The following KCNQ3 variants were observed in gnomAD, a reference collection of about 807,000 sequenced individuals.
The protein encoded by KCNQ3 is potassium voltage-gated channel subfamily KQT member 3.
In KCNQ3, 30 loss-of-function variants were observed where a neutral mutation model predicts 92.5. That is an observed-to-expected ratio of 0.32 (90% CI 0.24 to 0.44). KCNQ3 has a LOEUF of 0.44. Among genes scored for constraint, KCNQ3 ranks in the 20% least tolerant of loss-of-function variants. The probability of loss-of-function intolerance (pLI) is 1.00; values close to 1 mark genes in which losing one functional copy is unlikely to be tolerated. For missense variants in KCNQ3, 913 were observed against 1,140.3 expected (o/e 0.80, Z 2.87); for synonymous variants, 450 against 468.8 (o/e 0.96, Z 0.52).
chr8:132,280,533 C>T (rs572162449), intron 1 of KCNQ3, among the ~76,000 whole-genome samples: 20 of 152,270 alleles, frequency 1.3e-4, no homozygotes, highest in Admixed American at 9.2e-4. Context: ...CAAGCCATGA[C>T]GGATCTGCCT....
chr8:132,153,335 G>T (rs4736554), intron 9 of KCNQ3, among the ~76,000 whole-genome samples: 3 of 151,948 alleles, frequency 2.0e-5, no homozygotes, highest in East Asian at 3.9e-4. Context: ...CCTTTTCTCT[G>T]CCTGTATGTG....
intron 3 of KCNQ3, among the ~76,000 whole-genome samples, chr8:132,181,721 A>G (rs1341897128): frequency 6.6e-6 from 1 of 152,114 alleles, no homozygotes; most frequent in Non-Finnish European, 1.5e-5. Context: ...CTCAGCTTGG[A>G]ATAACCTCCT....
chr8:132,452,208 C>G (rs573164505), intron 1 of KCNQ3, among the ~76,000 whole-genome samples: 1 of 152,192 alleles, frequency 6.6e-6, no homozygotes, highest in African/African-American at 2.4e-5. Flanking sequence ...TTCATCCCCC[C>G]AAAATGAAAC....
At chr8:132,410,198 G>A (rs932433367) in intron 1 of KCNQ3, among the ~76,000 whole-genome samples, 2 of 152,244 alleles carry the variant, frequency 1.3e-5, no homozygotes, top group African/African-American at 4.8e-5. Context: ...ACTATAATGA[G>A]CCTTATTTTA....
At chr8:132,289,044 G>A (rs533474662) in intron 1 of KCNQ3, among the ~76,000 whole-genome samples, 1 of 152,290 alleles carries the variant, frequency 6.6e-6, no homozygotes, top group East Asian at 1.9e-4. Context: ...GGATTTCAAA[G>A]TGATTCTGGA....
Position 132,129,238 on chromosome 8 carries a change from G to A in KCNQ3, c.*24C>T. 6.2e-7 allele frequency: 1 copy of A among 1,605,140 alleles called. No individual in the cohort carries two copies. The highest frequency in any genetic ancestry group is 8.5e-7 in the Non-Finnish European group (1 of 1,179,536). ...TATACAAAGTCTGTCTACATTACAA[G>A]GAGGGGTCAGCCAGTGACCTCTTTT... On this transcript the variant is annotated 3_prime_UTR_variant, in exon 15 of 15. Transcript: ENST00000388996. The surrounding 1 kb of genome is among the most constrained non-coding windows in gnomAD (Gnocchi z 5.9).
At chr8:132,392,705 G>A (rs1427384759) in intron 1 of KCNQ3, among the ~76,000 whole-genome samples, 3 of 149,822 alleles carry the variant, frequency 2.0e-5, no homozygotes, top group African/African-American at 7.4e-5. Context: ...GGAGGCTGAG[G>A]CGGGAGGATC....
In KCNQ3 at chr8:132,123,024, A is replaced by G. The variant is rs10108362; in HGVS notation, c.*6238T>C. The G allele has an allele frequency of 0.26, 39,264 of 152,106 alleles. 5,318 individuals are homozygous for G. Among genetic ancestry groups the G allele is most frequent in the Middle Eastern group, 0.41 (122 of 294 alleles). 9.4% of individuals were successfully genotyped at this position (152,106 alleles called of 1,614,324 possible). A position where few individuals can be genotyped will look rare whatever the true frequency, so the allele number is the denominator to read the frequency against. On this transcript the variant is annotated 3_prime_UTR_variant, in exon 15 of 15. Coordinates refer to ENST00000388996, the MANE Select transcript of KCNQ3 (RefSeq NM_004519.4). ...GGCAAGAGGACCCAAGCTGTGTTCA[A>G]ATGAGACCCAGAGATCCCAGTGCAA...
chr8:132,282,593 C>A (rs1272174816), intron 1 of KCNQ3, among the ~76,000 whole-genome samples: 1 of 152,174 alleles, frequency 6.6e-6, no homozygotes, highest in Non-Finnish European at 1.5e-5. Context: ...TTCCCTCCTG[C>A]TCCTCCGTGA....
intron 1 of KCNQ3, among the ~76,000 whole-genome samples, chr8:132,452,160 G>A (rs920401742): frequency 7.9e-5 from 12 of 152,006 alleles, no homozygotes; most frequent in African/African-American, 2.4e-4. Flanking sequence ...CATTCGCATC[G>A]TTGTGCAACC....
intron 1 of KCNQ3, among the ~76,000 whole-genome samples, chr8:132,384,691 G>T (rs949883459): frequency 6.6e-6 from 1 of 152,162 alleles, no homozygotes; most frequent in African/African-American, 2.4e-5. Context: ...AAAAGTAACT[G>T]CCAGGAAAAG....
intron 1 of KCNQ3, among the ~76,000 whole-genome samples, chr8:132,440,719 C>A (rs2130836933): frequency 6.6e-6 from 1 of 152,294 alleles, no homozygotes; most frequent in Non-Finnish European, 1.5e-5. Context: ...TGTGCACACA[C>A]AGGAGGGGGG....
chr8:132,441,740 C>T (rs1821543411), intron 1 of KCNQ3, among the ~76,000 whole-genome samples: 1 of 152,152 alleles, frequency 6.6e-6, no homozygotes, highest in Admixed American at 6.5e-5. Context: ...CTCACACCAG[C>T]AGTGTATAAG....
chr8:132,402,589 G>A (rs1352965992), intron 1 of KCNQ3, among the ~76,000 whole-genome samples: 54 of 152,278 alleles, frequency 3.5e-4, no homozygotes, highest in Admixed American at 3.3e-3. Flanking sequence ...GTGGAGCACA[G>A]GGAACTTGTA....
intron 1 of KCNQ3, among the ~76,000 whole-genome samples, chr8:132,303,867 C>T (rs1586911471): frequency 6.7e-6 from 1 of 149,626 alleles, no homozygotes; most frequent in African/African-American, 2.5e-5. Flanking sequence ...TATATACACA[C>T]ATATATATAC....
chr8:132,202,022 A>T (rs1827477425), intron 1 of KCNQ3, among the ~76,000 whole-genome samples: 1 of 152,126 alleles, frequency 6.6e-6, no homozygotes, highest in Non-Finnish European at 1.5e-5. Context: ...GTATTTCTTC[A>T]TTAATACTGC....
At position 132,211,347 on chromosome 8, in the gene KCNQ3, T is replaced by C. The variant is rs184225556; in HGVS notation, c.387-25166A>G. Among the ~76,000 whole-genome samples, 8 of 152,366 alleles carry C rather than the reference T, an allele frequency of 5.3e-5. No homozygotes were observed. In the East Asian group the frequency reaches 1.5e-3, roughly 29 times the overall value. On this transcript the variant is annotated intron_variant, in intron 1 of 14. Coordinates refer to ENST00000388996, the MANE Select transcript of KCNQ3 (RefSeq NM_004519.4). ...GTTTTGTATTGTCTTTGAGCTATTT[T>C]ACAACTCTGTAAATTATAAACAACT...
At position 132,436,678 on chromosome 8, in the gene KCNQ3, G is replaced by C. The variant is rs577447535; in HGVS notation, c.386+43469C>G. 1.5e-4 allele frequency among the ~76,000 whole-genome samples: 23 copies of C among 152,266 alleles called. No homozygotes were observed. In the South Asian group the frequency reaches 4.8e-3, roughly 32 times the overall value. ...TGCTATGTATTTCACGTGAGGTTTTGAGTTTGTTTCTCCACACTTTTAAAG... is the reference window on the plus strand; with the variant it reads ...TGCTATGTATTTCACGTGAGGTTTTCAGTTTGTTTCTCCACACTTTTAAAG... On this transcript the variant is annotated intron_variant, in intron 1 of 14. Coordinates refer to ENST00000388996, the MANE Select transcript of KCNQ3 (RefSeq NM_004519.4).
chr8:132,358,244 G>A (rs557771855), intron 1 of KCNQ3, among the ~76,000 whole-genome samples: 4 of 152,326 alleles, frequency 2.6e-5, no homozygotes, highest in African/African-American at 9.6e-5. Flanking sequence ...GAAGTGGGAG[G>A]AGCTGAATTA....
Sources: gnomAD v4.1 joint callset for allele counts (sites outside exome capture counted in the v4.1 genomes callset) on GRCh38, gnomAD v4.1.1 for gene constraint, Gnocchi (gnomAD v3.1) non-coding constraint, MANE v1.5 for transcripts, NCBI Gene and HGNC (gene_info 2026-07-23, HGNC 2026-07-21) for gene names.